SYT16: variants seen among roughly 807,000 people sequenced by gnomAD.
SYT16 encodes the protein synaptotagmin 16.
In SYT16, 42 loss-of-function variants were observed where a neutral mutation model predicts 61.4. The ratio of observed to expected loss-of-function variants is 0.68; its 90% CI spans 0.53 to 0.89. The LOEUF is 0.89. Among genes scored for constraint, SYT16 ranks in the 40% least tolerant of loss-of-function variants. SYT16 has a pLI of 0.00. For missense variants in SYT16, 804 were observed against 807.3 expected, an observed-to-expected ratio of 1.00 and a Z score of 0.05; for synonymous variants, 314 against 302.3, an observed-to-expected ratio of 1.04 and a Z score of -0.40.
At chr14:61,822,437 A>G (rs2045646228) in intron 1 of SYT16, among the ~76,000 whole-genome samples, 1 of 152,184 alleles carries the variant, frequency 6.6e-6, no homozygotes, top group Non-Finnish European at 1.5e-5. Flanking sequence ...AAACACCCTC[A>G]CAGACACATC....
intron 2 of SYT16, among the ~76,000 whole-genome samples, chr14:61,991,143 G>A (rs2052532127): frequency 6.6e-6 from 1 of 151,984 alleles, no homozygotes; most frequent in African/African-American, 2.4e-5. Context: ...ATAGAAGCTT[G>A]TATGGTAAAC....
intron 1 of SYT16, among the ~76,000 whole-genome samples, chr14:61,858,859 C>CTTTTT (rs541030567): frequency 1.3e-4 from 18 of 138,938 alleles, no homozygotes; most frequent in South Asian, 6.8e-4. Context: ...CTTTTCTTTT[C>CTTTTT]TTTTTTTTTT....
chr14:61,954,493 A>T (rs1359601380), intron 1 of SYT16, among the ~76,000 whole-genome samples: 1 of 152,100 alleles, frequency 6.6e-6, no homozygotes, highest in East Asian at 1.9e-4. Context: ...GTTAACTTTG[A>T]GGAAGTTTTT....
Position 62,015,687 on chromosome 14 carries a change from C to T in SYT16, c.523+19145C>T, listed in dbSNP as rs116030920. ...CCCTTATAAAAGAGGCCCCAGAAGCCGCCTTGCCTCCTCTACCATGTGAGG... is the reference window on the plus strand; with the variant it reads ...CCCTTATAAAAGAGGCCCCAGAAGCTGCCTTGCCTCCTCTACCATGTGAGG... On this transcript the variant is annotated intron_variant, in intron 3 of 7. Coordinates refer to ENST00000683842, the MANE Select transcript of SYT16 (RefSeq NM_001367656.1). 3.4e-3 allele frequency among the ~76,000 whole-genome samples: 515 copies of T among 152,246 alleles called. 5 individuals are homozygous for T. Among genetic ancestry groups the T allele is most frequent in the African/African-American group, 0.012 (503 of 41,530 alleles).
chr14:61,907,277 G>A (rs544110957), intron 1 of SYT16, among the ~76,000 whole-genome samples: 46 of 152,230 alleles, frequency 3.0e-4, no homozygotes, highest in Non-Finnish European at 6.0e-4. Flanking sequence ...TGTTTCCTGA[G>A]TGAGACATGT....
intron 1 of SYT16, among the ~76,000 whole-genome samples, chr14:61,911,803 A>G (rs944314460): frequency 3.3e-5 from 5 of 152,210 alleles, no homozygotes; most frequent in Admixed American, 6.5e-5. Flanking sequence ...ACTGGAAGCA[A>G]ATTATGGTTG....
At chr14:61,988,530 C>A (rs148471267) in intron 2 of SYT16, among the ~76,000 whole-genome samples, 22 of 152,268 alleles carry the variant, frequency 1.4e-4, no homozygotes, top group Middle Eastern at 3.4e-3. Context: ...ATGTTATAAA[C>A]CTTGAGCAAT....
intron 3 of SYT16, among the ~76,000 whole-genome samples, chr14:62,034,304 C>T (rs1237018913): frequency 6.6e-6 from 1 of 152,154 alleles, no homozygotes; most frequent in Non-Finnish European, 1.5e-5. Context: ...AGTTCATCAA[C>T]AGATTAAACA....
intron 7 of SYT16, among the ~76,000 whole-genome samples, chr14:62,085,673 T>C (rs1309941786): frequency 6.6e-6 from 1 of 152,194 alleles, no homozygotes; most frequent in Non-Finnish European, 1.5e-5. Context: ...TTAGTCAACT[T>C]GTATGAAAAC....
chr14:62,089,804 A>G (rs1217894629), intron 7 of SYT16, among the ~76,000 whole-genome samples: 1 of 152,222 alleles, frequency 6.6e-6, no homozygotes, highest in Non-Finnish European at 1.5e-5. Flanking sequence ...TCCCTGGCTA[A>G]TGGTCCAGAT....
At chr14:62,035,704 A>G (rs1279765204) in intron 3 of SYT16, among the ~76,000 whole-genome samples, 1 of 152,214 alleles carries the variant, frequency 6.6e-6, no homozygotes, top group Non-Finnish European at 1.5e-5. Flanking sequence ...TAAAATCCAG[A>G]GCACAAAAGC....
At position 62,100,626 on chromosome 14, in the gene SYT16, G is replaced by A; in HGVS notation, c.1857G>A (p.Glu619=). The A allele has an allele frequency of 1.2e-6, 2 of 1,613,860 alleles. No homozygotes were observed. Among genetic ancestry groups the A allele is most frequent in the South Asian group, 2.2e-5 (2 of 91,072 alleles). ...CCCTGGGCCAGAACAGCAGTGGAGA[G>A]GAGGAACAAGATCACTGGGAGGAGA... ...WIALGQNSSG[E]EEQDHWEEMK... Residue 619 remains glutamate (E), a synonymous_variant, in exon 8 of 8, where the codon GAG becomes GAA. Coordinates refer to ENST00000683842, the MANE Select transcript of SYT16 (RefSeq NM_001367656.1).
intron 2 of SYT16, among the ~76,000 whole-genome samples, chr14:61,977,800 A>G (rs76783215): frequency 0.025 from 3,873 of 152,210 alleles, 173 homozygotes; most frequent in African/African-American, 0.089. Flanking sequence ...GATTTGGGGG[A>G]TGTATTAGTT....
At chr14:61,898,396 A>G (rs1566662347) in intron 1 of SYT16, among the ~76,000 whole-genome samples, 1 of 152,160 alleles carries the variant, frequency 6.6e-6, no homozygotes, top group Non-Finnish European at 1.5e-5. Flanking sequence ...TCTCAAGTTG[A>G]GCGTTGGGGT....
chr14:61,958,244 A>G (rs2050963043), intron 1 of SYT16, among the ~76,000 whole-genome samples: 2 of 151,320 alleles, frequency 1.3e-5, no homozygotes, highest in Non-Finnish European at 3.0e-5. Flanking sequence ...TTCAGTTTTT[A>G]AAATTGTTCT....
intron 1 of SYT16, among the ~76,000 whole-genome samples, chr14:61,882,750 G>A (rs1235430039): frequency 6.6e-6 from 1 of 152,184 alleles, no homozygotes; most frequent in East Asian, 1.9e-4. Flanking sequence ...CTGCCTATGA[G>A]CCTGTAAAAT....
intron 2 of SYT16, among the ~76,000 whole-genome samples, chr14:61,973,997 C>T (rs1038427593): frequency 3.3e-5 from 5 of 152,070 alleles, no homozygotes; most frequent in Non-Finnish European, 5.9e-5. Context: ...AGGAGAGTGC[C>T]GCATGCTTCT....
intron 4 of SYT16, among the ~76,000 whole-genome samples, chr14:62,074,378 A>G (rs547800673): frequency 1.3e-5 from 2 of 152,304 alleles, no homozygotes; most frequent in Admixed American, 6.5e-5. Flanking sequence ...TAGTATTTTC[A>G]TAAACCAGTG....
intron 1 of SYT16, among the ~76,000 whole-genome samples, chr14:61,907,849 A>G (rs1375082513): frequency 6.6e-6 from 1 of 152,176 alleles, no homozygotes; most frequent in Non-Finnish European, 1.5e-5. Flanking sequence ...TTTCTCCATA[A>G]TTTTTTTAAC....
Sources: gnomAD v4.1 joint callset for allele counts (sites outside exome capture counted in the v4.1 genomes callset) on GRCh38, gnomAD v4.1.1 for gene constraint, MANE v1.5 for transcripts, NCBI Gene and HGNC (gene_info 2026-07-23, HGNC 2026-07-21) for gene names.